The following LY96 variants were observed in gnomAD, a reference collection of about 807,000 sequenced individuals.
LY96 encodes the protein lymphocyte antigen 96.
A neutral mutation model predicts 18.9 loss-of-function variants in LY96; 18 were observed. The ratio of observed to expected loss-of-function variants is 0.95; its 90% CI spans 0.66 to 1.41. The LOEUF is 1.41. LY96 is among the 40% of genes most tolerant of loss of function. The pLI, the probability that LY96 is intolerant of heterozygous loss-of-function variation, is 0.00. For missense variants in LY96, 175 were observed against 182.4 expected, an observed-to-expected ratio of 0.96 and a Z score of 0.23; for synonymous variants, 66 against 62.6, an observed-to-expected ratio of 1.06 and a Z score of -0.26.
chr8:74,052,301 T>A, the LY96 span: 1 of 152,156 alleles, frequency 6.6e-6, no homozygotes, highest in Non-Finnish European at 1.5e-5. Context: ...CCGTCACAGT[T>A]TCAGTTAGGG....
the LY96 span, among the ~76,000 whole-genome samples, chr8:74,036,765 G>A: frequency 6.6e-6 from 1 of 152,108 alleles, no homozygotes; most frequent in Non-Finnish European, 1.5e-5. Flanking sequence ...AATTGCAGTA[G>A]GCAAGAAGAA....
chr8:74,070,371 G>C, the LY96 span, among the ~76,000 whole-genome samples: 1 of 151,866 alleles, frequency 6.6e-6, no homozygotes, highest in African/African-American at 2.4e-5. Context: ...GATTACAGGC[G>C]TGAGCCACCG....
chr8:73,996,364 CCTTCATTCCTTTCTTTCTTT>C (rs1816131235), intron 1 of LY96, among the ~76,000 whole-genome samples: 28 of 89,436 alleles, frequency 3.1e-4, no homozygotes, highest in African/African-American at 8.2e-4. Context: ...TTCCTTCCTT[CCTTCATTCCTTTCTTTCTTT>C]CTTTCTTTCT....
downstream of LY96, among the ~76,000 whole-genome samples, chr8:74,031,873 C>T (rs930881170): frequency 4.6e-5 from 7 of 151,548 alleles, no homozygotes; most frequent in Admixed American, 4.6e-4. Context: ...CCTGTAATCG[C>T]ACCACTTTGG....
At chr8:74,095,480 T>C in the LY96 span, among the ~76,000 whole-genome samples, 1 of 152,164 alleles carries the variant, frequency 6.6e-6, no homozygotes, top group East Asian at 1.9e-4. Flanking sequence ...ATCCTTCCTG[T>C]GGGGAAAAAC....
chr8:74,045,289 A>G, the LY96 span, among the ~76,000 whole-genome samples: 1 of 152,220 alleles, frequency 6.6e-6, no homozygotes, highest in Non-Finnish European at 1.5e-5. Context: ...CATGACATAA[A>G]TATAAAAACC....
At chr8:74,006,925 T>C (rs995237495) in intron 2 of LY96, among the ~76,000 whole-genome samples, 5 of 152,132 alleles carry the variant, frequency 3.3e-5, no homozygotes, top group Admixed American at 2.6e-4. Context: ...AGGCTAGAGA[T>C]TTCTTGGAGG....
At chr8:74,093,860 A>G in the LY96 span, among the ~76,000 whole-genome samples, 2 of 152,228 alleles carry the variant, frequency 1.3e-5, no homozygotes, top group Admixed American at 6.5e-5. Flanking sequence ...TTTGAATTTC[A>G]TAAATGAATC....
At chr8:74,044,967 C>T in the LY96 span, among the ~76,000 whole-genome samples, 4 of 152,208 alleles carry the variant, frequency 2.6e-5, no homozygotes, top group Admixed American at 6.5e-5. Context: ...ATTATACAAC[C>T]TCTGTGGTTA....
At chr8:74,069,419 A>T in the LY96 span, among the ~76,000 whole-genome samples, 1 of 152,214 alleles carries the variant, frequency 6.6e-6, no homozygotes, top group Non-Finnish European at 1.5e-5. Flanking sequence ...TCCTCAGGAG[A>T]CTGGGGAAAG....
the LY96 span, among the ~76,000 whole-genome samples, chr8:74,050,626 C>G: frequency 6.6e-6 from 1 of 152,060 alleles, no homozygotes; most frequent in South Asian, 2.1e-4. Context: ...CATTTCTTAA[C>G]GTTGTTTTCA....
chr8:74,063,949 C>A, the LY96 span, among the ~76,000 whole-genome samples: 1 of 151,866 alleles, frequency 6.6e-6, no homozygotes, highest in East Asian at 1.9e-4. Flanking sequence ...ACTTTTTTTC[C>A]CCTGTCATAC....
intron 3 of LY96, among the ~76,000 whole-genome samples, chr8:74,022,658 A>C (rs1340956583): frequency 2.0e-5 from 3 of 147,604 alleles, no homozygotes; most frequent in Admixed American, 1.4e-4. Context: ...AGCTCACTGC[A>C]ACCTCTGCCT....
intron 1 of LY96, among the ~76,000 whole-genome samples, chr8:73,996,797 T>A (rs1816157431): frequency 1.3e-5 from 2 of 152,054 alleles, no homozygotes; most frequent in South Asian, 4.1e-4. Context: ...CAGGCTGGAG[T>A]GCAGTGGTGC....
the LY96 span, among the ~76,000 whole-genome samples, chr8:74,081,068 CTT>C: frequency 9.8e-3 from 1,106 of 112,642 alleles, 24 homozygotes; most frequent in African/African-American, 0.027. Flanking sequence ...TTCTTTCTTA[CTT>C]TCTTTCTTCT....
chr8:74,057,969 C>A, the LY96 span, among the ~76,000 whole-genome samples: 5 of 152,202 alleles, frequency 3.3e-5, no homozygotes, highest in Non-Finnish European at 7.3e-5. Flanking sequence ...CATGCATTCA[C>A]TTTCTGGGAT....
intron 2 of LY96, among the ~76,000 whole-genome samples, chr8:74,008,798 A>C (rs1184713316): frequency 3.3e-5 from 5 of 152,150 alleles, no homozygotes; most frequent in Non-Finnish European, 5.9e-5. Flanking sequence ...TTGGCCTGAG[A>C]GAGTGTGCAG....
At chr8:74,005,004 C>T (rs80147092) in intron 2 of LY96, 119 bp downstream of exon 2, 169 of 1,069,974 alleles carry the variant, frequency 1.6e-4, no homozygotes, top group South Asian at 1.4e-3. Context: ...CAAATTACCA[C>T]GATCTTTGTG....
chr8:74,055,507 C>G, the LY96 span, among the ~76,000 whole-genome samples: 8 of 152,066 alleles, frequency 5.3e-5, no homozygotes, highest in Non-Finnish European at 7.4e-5. Flanking sequence ...GTAGAGCACC[C>G]AGGACATTAT....
Sources: gnomAD v4.1 joint callset for allele counts (sites outside exome capture counted in the v4.1 genomes callset) on GRCh38, gnomAD v4.1.1 for gene constraint, MANE v1.5 for transcripts, NCBI Gene and HGNC (gene_info 2026-07-23, HGNC 2026-07-21) for gene names.